The following ZNF652 variants were observed in gnomAD, a reference collection of about 807,000 sequenced individuals.
The protein encoded by ZNF652 is zinc finger protein 652.
Under a neutral mutation model 45.2 loss-of-function variants are expected in ZNF652, and 16 were observed. That is an observed-to-expected ratio of 0.35 (90% CI 0.24 to 0.54). The LOEUF (loss-of-function observed/expected upper bound fraction) is 0.54, where lower values mean the gene tolerates loss of function less well. Among genes scored for constraint, ZNF652 ranks in the 20% least tolerant of loss-of-function variants. ZNF652 has a pLI of 0.91. For missense variants in ZNF652, 614 were observed against 765.6 expected (o/e 0.80, Z 2.34); for synonymous variants, 250 against 260.6 (o/e 0.96, Z 0.39).
intron 1 of ZNF652, among the ~76,000 whole-genome samples, chr17:49,337,350 AAAAAG>A (rs2070097174): frequency 1.3e-5 from 2 of 151,234 alleles, no homozygotes; most frequent in Admixed American, 6.6e-5. Flanking sequence ...AAAAAAAAAA[AAAAAG>A]AAAAAAGAAA....
intron 2 of ZNF652, among the ~76,000 whole-genome samples, chr17:49,314,296 G>C (rs574988612): frequency 1.4e-3 from 211 of 151,844 alleles, no homozygotes; most frequent in African/African-American, 4.9e-3. Context: ...CAAGTAGCTG[G>C]GACTACAGGT....
At chr17:49,312,327 A>G (rs1225062223) in intron 3 of ZNF652, among the ~76,000 whole-genome samples, 2 of 151,828 alleles carry the variant, frequency 1.3e-5, no homozygotes, top group Non-Finnish European at 2.9e-5. Flanking sequence ...CACCACGCCC[A>G]GCTAATTTTT....
intron 5 of ZNF652, among the ~76,000 whole-genome samples, chr17:49,307,141 C>T (rs546381489): frequency 1.4e-3 from 211 of 152,070 alleles, no homozygotes; most frequent in African/African-American, 4.9e-3. Context: ...AGAAAACATC[C>T]TTCACTGGCC....
In ZNF652 at chr17:49,316,970, C is replaced by G. The variant is rs550394023; in HGVS notation, c.756G>C (p.Arg252Ser). 1 of 1,614,032 alleles carries G rather than the reference C, an allele frequency of 6.2e-7. No homozygotes were observed. The highest frequency in any genetic ancestry group is 1.7e-5 in the Admixed American group (1 of 60,004). The change falls in exon 2 of 6, where the codon AGG becomes AGC. Residue 252 changes from arginine (R) to serine (S), a missense_variant. Coordinates refer to ENST00000430262, the MANE Select transcript of ZNF652 (RefSeq NM_001145365.3). The part of the protein sequence containing the change: ...KETLTCEKCP[R>S]VFNTRWYLEK... ...CCAGGTACCAGCGAGTGTTAAATAC[C>G]CTGGGGCACTTCTCACAGGTCAGAG...
At chr17:49,323,300 G>A (rs1002841246) in intron 1 of ZNF652, among the ~76,000 whole-genome samples, 1 of 152,174 alleles carries the variant, frequency 6.6e-6, no homozygotes, top group African/African-American at 2.4e-5. Context: ...GATTCCATCT[G>A]TTTGGGTTTT....
intron 5 of ZNF652, 74 bp downstream of exon 5, chr17:49,311,238 T>TA (rs1363468202): frequency 2.7e-6 from 4 of 1,456,764 alleles, no homozygotes; most frequent in Non-Finnish European, 3.7e-6. Flanking sequence ...TTGATTTTTT[T>TA]AAAAAACAGA....
At chr17:49,302,433 CACG>C (rs2069566796) in intron 5 of ZNF652, among the ~76,000 whole-genome samples, 1 of 150,396 alleles carries the variant, frequency 6.6e-6, no homozygotes, top group Admixed American at 6.6e-5. Context: ...GGACTACAGG[CACG>C]TACCACCACA....
chr17:49,325,405 C>T (rs962302679), intron 1 of ZNF652, among the ~76,000 whole-genome samples: 1 of 152,082 alleles, frequency 6.6e-6, no homozygotes, highest in Non-Finnish European at 1.5e-5. Context: ...GTTTCTAGCA[C>T]CCCAAAACAA....
In ZNF652 at chr17:49,292,509, T is replaced by G. The variant is rs1310134009; in HGVS notation, c.*5904A>C. 6.6e-6 allele frequency among the ~76,000 whole-genome samples: 1 copy of G among 152,100 alleles called. No homozygotes were observed. Among genetic ancestry groups the G allele is most frequent in the Admixed American group, 6.6e-5 (1 of 15,262 alleles). Reference sequence around the variant, plus strand: ...GAGAGCAGAAACCCAGGGAGCAATTTTAAATTAATTTGACTAAAATAAAGA... The same window carrying G: ...GAGAGCAGAAACCCAGGGAGCAATTGTAAATTAATTTGACTAAAATAAAGA... On this transcript the variant is annotated 3_prime_UTR_variant, in exon 6 of 6. Coordinates refer to ENST00000430262, the MANE Select transcript of ZNF652 (RefSeq NM_001145365.3).
intron 1 of ZNF652, among the ~76,000 whole-genome samples, chr17:49,344,709 C>T (rs748070219): frequency 3.3e-5 from 5 of 152,056 alleles, no homozygotes; most frequent in East Asian, 1.9e-4. Context: ...TTAACGGAGA[C>T]GGAGTTTCAC....
At chr17:49,349,405 GA>G (rs77147434) in intron 1 of ZNF652, among the ~76,000 whole-genome samples, 1 of 149,820 alleles carries the variant, frequency 6.7e-6, no homozygotes, top group Non-Finnish European at 1.5e-5. Flanking sequence ...TCTCAAAAAA[GA>G]AAAAAAAACA....
Position 49,317,269 on chromosome 17 carries a change from C to A in ZNF652, c.457G>T (p.Glu153Ter). Residue 153 changes from glutamate to a stop codon, truncating the protein, a stop_gained, in exon 2 of 6, where the codon GAG (glutamate) becomes TAG (stop). Coordinates refer to ENST00000430262, the MANE Select transcript of ZNF652 (RefSeq NM_001145365.3). LOFTEE classifies it high-confidence loss of function. ...ETPVLKTSSEEEEEESEEEAT... is the reference protein window; with the variant it reads ...ETPVLKTSSE Reference sequence around the variant, plus strand: ...TCTTCCTCACTCTCTTCCTCTTCCTCCTCACTGCTTGTCTTAAGAACAGGA... The same window carrying A: ...TCTTCCTCACTCTCTTCCTCTTCCTACTCACTGCTTGTCTTAAGAACAGGA... The A allele has an allele frequency of 1.2e-6, 2 of 1,612,922 alleles. No homozygotes were observed. Among genetic ancestry groups the A allele is most frequent in the Non-Finnish European group, 8.5e-7 (1 of 1,180,028 alleles).
At chr17:49,349,385 CA>C (rs370411627) in intron 1 of ZNF652, among the ~76,000 whole-genome samples, 8 of 151,812 alleles carry the variant, frequency 5.3e-5, no homozygotes, top group African/African-American at 1.9e-4. Flanking sequence ...GGAAACAGTG[CA>C]AAATTCCATC....
intron 5 of ZNF652, 108 bp from the exon 6 acceptor site, chr17:49,299,032 T>C (rs2069515823): frequency 8.1e-7 from 1 of 1,228,548 alleles, no homozygotes; most frequent in Non-Finnish European, 1.1e-6. Flanking sequence ...ATCAGGCTGG[T>C]CTCGAACTCC....
Position 49,292,792 on chromosome 17 carries a change from TAAATA to T in ZNF652, c.*5616_*5620del, listed in dbSNP as rs1054291632. ...ACGAAATATGTGAAGAAATAAGATA[TAAATA>T]AAAGTTAAAAATATAACCTAAAAAT... On this transcript the variant is annotated 3_prime_UTR_variant, in exon 6 of 6. Coordinates refer to ENST00000430262, the MANE Select transcript of ZNF652 (RefSeq NM_001145365.3). Among the ~76,000 whole-genome samples the T allele has an allele frequency of 2.6e-5, 4 of 152,070 alleles. No individual in the cohort carries two copies. Among genetic ancestry groups the T allele is most frequent in the Non-Finnish European group, 5.9e-5 (4 of 67,994 alleles).
rs2286015 is a variant in ZNF652, at chr17:49,293,703, A to G, written c.*4710T>C. ...AAAAAAAACTCTTAAGTAATTTCCT[A>G]TCTTGGTTCAGGCAAAGGAAAATTA... On this transcript the variant is annotated 3_prime_UTR_variant, in exon 6 of 6. Coordinates refer to ENST00000430262, the MANE Select transcript of ZNF652 (RefSeq NM_001145365.3). Among the ~76,000 whole-genome samples, 31,955 of 146,960 alleles carry G rather than the reference A, an allele frequency of 0.22. 3,628 individuals are homozygous for G. The highest frequency in any genetic ancestry group is 0.33 in the South Asian group (1,535 of 4,716).
At chr17:49,347,236 C>T (rs1239750350) in intron 1 of ZNF652, among the ~76,000 whole-genome samples, 2 of 152,132 alleles carry the variant, frequency 1.3e-5, no homozygotes, top group African/African-American at 4.8e-5. Context: ...TATAAGTATT[C>T]CAGCTAATAA....
At chr17:49,339,035 G>A (rs566652876) in intron 1 of ZNF652, among the ~76,000 whole-genome samples, 1 of 152,160 alleles carries the variant, frequency 6.6e-6, no homozygotes, top group Admixed American at 6.5e-5. Context: ...TAGCATAATG[G>A]TTAAGGGCTC....
intron 1 of ZNF652, among the ~76,000 whole-genome samples, chr17:49,332,407 G>A (rs554051449): frequency 1.2e-4 from 18 of 152,264 alleles, no homozygotes; most frequent in South Asian, 2.1e-4. Context: ...ATAGCCAACA[G>A]AAAAAGACAA....
Sources: gnomAD v4.1 joint callset for allele counts (sites outside exome capture counted in the v4.1 genomes callset) on GRCh38, gnomAD v4.1.1 for gene constraint, MANE v1.5 for transcripts, NCBI Gene and HGNC (gene_info 2026-07-23, HGNC 2026-07-21) for gene names.